The following LRFN5 variants were observed in gnomAD, a reference collection of about 807,000 sequenced individuals.
LRFN5 encodes leucine-rich repeat and fibronectin type-III domain-containing protein 5.
Under a neutral mutation model 45.6 loss-of-function variants are expected in LRFN5, and 24 were observed. The ratio of observed to expected loss-of-function variants is 0.53; its 90% confidence interval spans 0.38 to 0.74. The LOEUF (loss-of-function observed/expected upper bound fraction) is 0.74, where lower values mean the gene tolerates loss of function less well. LRFN5 is among the 30% of genes least tolerant of loss of function. LRFN5 has a pLI of 0.00. For synonymous variants in LRFN5, 340 were observed against 313.8 expected, an observed-to-expected ratio of 1.08 and a Z score of -0.88; for missense variants, 776 against 861.5, an observed-to-expected ratio of 0.90 and a Z score of 1.24.
intron 2 of LRFN5, among the ~76,000 whole-genome samples, chr14:41,790,348 G>C (rs4900086): frequency 6.6e-6 from 1 of 151,456 alleles, no homozygotes; most frequent in Non-Finnish European, 1.5e-5. Flanking sequence ...TACCAGTGAC[G>C]TATAAACTAT....
intron 4 of LRFN5, 37 bp from the exon 5 acceptor site, chr14:41,898,880 A>C (rs774367080): frequency 1.3e-6 from 2 of 1,584,564 alleles, no homozygotes; most frequent in Non-Finnish European, 1.7e-6. Flanking sequence ...CTTTTAAAAA[A>C]ATGAATTGTT....
intron 2 of LRFN5, among the ~76,000 whole-genome samples, chr14:41,838,898 T>G (rs1160203029): frequency 6.6e-6 from 1 of 152,172 alleles, no homozygotes; most frequent in Non-Finnish European, 1.5e-5. Context: ...ATTATTTATT[T>G]TAAGGAGAGT....
At chr14:41,614,772 TC>T in intron 1 of LRFN5, among the ~76,000 whole-genome samples, 1 of 152,188 alleles carries the variant, frequency 6.6e-6, no homozygotes, top group East Asian at 1.9e-4. Flanking sequence ...ACTTATGCAA[TC>T]AGACGGTCTG....
At chr14:41,661,075 A>G (rs1880629004) in intron 1 of LRFN5, among the ~76,000 whole-genome samples, 1 of 151,102 alleles carries the variant, frequency 6.6e-6, no homozygotes, top group Admixed American at 6.7e-5. Context: ...AAGCAAATTT[A>G]CTTGCATGTA....
chr14:41,733,141 A>G (rs1472176813), intron 1 of LRFN5, among the ~76,000 whole-genome samples: 1 of 152,138 alleles, frequency 6.6e-6, no homozygotes, highest in Non-Finnish European at 1.5e-5. Flanking sequence ...AGAGTTAGAA[A>G]GGAGCAGAGA....
chr14:41,878,532 T>C (rs1048820756), intron 2 of LRFN5, among the ~76,000 whole-genome samples: 1 of 152,172 alleles, frequency 6.6e-6, no homozygotes, highest in African/African-American at 2.4e-5. Context: ...GATGTAGTAA[T>C]GGAAAATCAT....
intron 2 of LRFN5, among the ~76,000 whole-genome samples, chr14:41,828,569 T>A (rs953905949): frequency 4.6e-5 from 7 of 151,958 alleles, no homozygotes; most frequent in African/African-American, 1.7e-4. Context: ...CTTTTCTCCA[T>A]GTAGTATTCC....
intron 1 of LRFN5, among the ~76,000 whole-genome samples, chr14:41,699,033 T>A (rs1183864091): frequency 2.0e-5 from 3 of 151,982 alleles, no homozygotes; most frequent in African/African-American, 7.2e-5. Flanking sequence ...GAGTGTAAGT[T>A]GAGATGAGTT....
intron 2 of LRFN5, among the ~76,000 whole-genome samples, chr14:41,879,122 C>T (rs896215664): frequency 6.6e-6 from 1 of 151,708 alleles, no homozygotes; most frequent in Non-Finnish European, 1.5e-5. Flanking sequence ...TCTAAATTAC[C>T]GTATCTGTAT....
intron 1 of LRFN5, among the ~76,000 whole-genome samples, chr14:41,643,938 C>T (rs1364608770): frequency 6.6e-6 from 1 of 152,118 alleles, no homozygotes; most frequent in South Asian, 2.1e-4. Context: ...CCAAACTAAT[C>T]TTTCTCTACT....
chr14:41,775,169 C>G (rs1223255478), intron 2 of LRFN5, among the ~76,000 whole-genome samples: 1 of 144,502 alleles, frequency 6.9e-6, no homozygotes, highest in African/African-American at 2.6e-5. Flanking sequence ...CGGCTCAATG[C>G]AAGCTCCGCC....
intron 2 of LRFN5, among the ~76,000 whole-genome samples, chr14:41,853,769 A>T (rs2139080959): frequency 6.6e-6 from 1 of 152,228 alleles, no homozygotes; most frequent in African/African-American, 2.4e-5. Flanking sequence ...AATATAGGTA[A>T]AGAGGAATAG....
chr14:41,899,466 T>C (rs1891040685), intron 5 of LRFN5, among the ~76,000 whole-genome samples: 2 of 152,146 alleles, frequency 1.3e-5, no homozygotes, highest in Non-Finnish European at 2.9e-5. Flanking sequence ...GAAATATTCA[T>C]GGTATTACTT....
At chr14:41,889,092 A>G (rs1370313266) in intron 3 of LRFN5, among the ~76,000 whole-genome samples, 2 of 104,798 alleles carry the variant, frequency 1.9e-5, no homozygotes, top group Non-Finnish European at 4.0e-5. Flanking sequence ...CCATATATAT[A>G]TATGTCTATA....
chr14:41,901,026 T>C (rs1891086314), intron 5 of LRFN5, among the ~76,000 whole-genome samples: 1 of 152,116 alleles, frequency 6.6e-6, no homozygotes, highest in African/African-American at 2.4e-5. Flanking sequence ...TTCATTTCCA[T>C]TATTCAGAAT....
chr14:41,706,746 T>A (rs182488148), intron 1 of LRFN5, among the ~76,000 whole-genome samples: 2 of 152,330 alleles, frequency 1.3e-5, no homozygotes, highest in Admixed American at 1.3e-4. Flanking sequence ...ATATTTTTCC[T>A]TTTGTTAAGT....
chr14:41,620,605 T>A (rs1266813439), intron 1 of LRFN5, among the ~76,000 whole-genome samples: 1 of 152,114 alleles, frequency 6.6e-6, no homozygotes, highest in African/African-American at 2.4e-5. Flanking sequence ...ATCTGTTTAA[T>A]AGTTCTATTT....
rs1367035648 is a variant in LRFN5, at chr14:41,891,683, A to G, written c.1819A>G (p.Ser607Gly). ...GAATGCCCAGTGTTGTAAAGCTACC[A>G]GTGACAATGTGATTCAATCTTCAGA... ...EENAQCCKATSDNVIQSSETC... is the reference protein window; with the variant it reads ...EENAQCCKATGDNVIQSSETC... Residue 607 changes from serine to glycine, a missense_variant, in exon 4 of 6, where the codon AGT (serine) becomes GGT (glycine). Physicochemically the swap from Ser to Gly is moderately conservative, Grantham distance 56. Transcript: ENST00000298119. 1.9e-6 allele frequency: 3 copies of G among 1,614,226 alleles called. No homozygotes were observed. Among genetic ancestry groups the G allele is most frequent in the East Asian group, 2.2e-5 (1 of 44,882 alleles).
intron 1 of LRFN5, among the ~76,000 whole-genome samples, chr14:41,736,306 C>T (rs753855089): frequency 6.6e-6 from 1 of 152,112 alleles, no homozygotes; most frequent in Non-Finnish European, 1.5e-5. Context: ...TTCTAACTGG[C>T]ATGAGATGGT....
Sources: gnomAD v4.1 joint callset for allele counts (sites outside exome capture counted in the v4.1 genomes callset) on GRCh38, gnomAD v4.1.1 for gene constraint, MANE v1.5 for transcripts, NCBI Gene and HGNC (gene_info 2026-07-23, HGNC 2026-07-21) for gene names.